CNTNAP5: variants seen among roughly 807,000 people sequenced by gnomAD.
CNTNAP5 encodes the protein contactin associated protein family member 5.
CNTNAP5 carries 72 observed loss-of-function variants against 150.2 expected under a neutral mutation model. That is an observed-to-expected ratio of 0.48 (90% CI 0.40 to 0.58). The LOEUF is 0.58. Among genes scored for constraint, CNTNAP5 ranks in the 20% least tolerant of loss-of-function variants. The pLI, the probability that CNTNAP5 is intolerant of heterozygous loss-of-function variation, is 0.00. For missense variants in CNTNAP5, 1,636 were observed against 1,626.2 expected (o/e 1.01, Z -0.10); for synonymous variants, 672 against 619.8 (o/e 1.08, Z -1.25).
At chr2:124,527,520 A>G (rs2104890587) in intron 10 of CNTNAP5, 64 bp downstream of exon 10, 1 of 1,319,652 alleles carries the variant, frequency 7.6e-7, no homozygotes, top group South Asian at 1.6e-5. Flanking sequence ...TCTAAATATG[A>G]GTTTCTTTAA....
chr2:124,593,329 C>T (rs1696745671), intron 11 of CNTNAP5, among the ~76,000 whole-genome samples: 1 of 123,156 alleles, frequency 8.1e-6, no homozygotes, highest in South Asian at 3.0e-4. Context: ...TATTCCCCTT[C>T]CTGTGTCCAT....
intron 1 of CNTNAP5, among the ~76,000 whole-genome samples, chr2:124,029,536 G>A (rs1224880310): frequency 6.6e-6 from 1 of 151,978 alleles, no homozygotes; most frequent in Non-Finnish European, 1.5e-5. Flanking sequence ...CCCTGGACTA[G>A]CGATTTCCAC....
At chr2:124,058,637 CGTT>C (rs1558740826) in intron 1 of CNTNAP5, among the ~76,000 whole-genome samples, 2 of 152,178 alleles carry the variant, frequency 1.3e-5, no homozygotes, top group African/African-American at 2.4e-5. Flanking sequence ...ATTTGCCTGT[CGTT>C]GTCATCAGCC....
chr2:124,082,678 T>C (rs1440479221), intron 1 of CNTNAP5, among the ~76,000 whole-genome samples: 1 of 152,230 alleles, frequency 6.6e-6, no homozygotes, highest in Non-Finnish European at 1.5e-5. Context: ...AGAAGTACAA[T>C]TGTTGGGCCA....
intron 13 of CNTNAP5, among the ~76,000 whole-genome samples, chr2:124,673,781 A>G (rs1270577033): frequency 6.6e-6 from 1 of 151,296 alleles, no homozygotes; most frequent in Non-Finnish European, 1.5e-5. Context: ...AAAAAAAGAG[A>G]TCCTCTAGAC....
At chr2:124,601,528 T>C (rs967179746) in intron 11 of CNTNAP5, among the ~76,000 whole-genome samples, 3 of 152,032 alleles carry the variant, frequency 2.0e-5, no homozygotes, top group African/African-American at 7.2e-5. Flanking sequence ...CACACAACAA[T>C]TAAAGCAATT....
intron 1 of CNTNAP5, among the ~76,000 whole-genome samples, chr2:124,087,549 C>T (rs1296724947): frequency 6.6e-6 from 1 of 151,704 alleles, no homozygotes; most frequent in Admixed American, 6.6e-5. Context: ...TGGTGAAACC[C>T]CATTTCTACT....
intron 1 of CNTNAP5, among the ~76,000 whole-genome samples, chr2:124,051,855 C>T (rs1256915849): frequency 6.6e-6 from 1 of 152,182 alleles, no homozygotes; most frequent in South Asian, 2.1e-4. Context: ...TACAGCATTC[C>T]TTTTGCCACA....
rs1296869486 is a variant in CNTNAP5 at position 124,413,203 on chromosome 2, A to G, written c.382-4240A>G. ...GAGATACCATCTCACACCAGTTAGA[A>G]TGGCGTTCATTAAAAAGTCAGGAAA... On this transcript the variant is annotated intron_variant, in intron 3 of 23. Coordinates refer to ENST00000682447, the MANE Select transcript of CNTNAP5 (RefSeq NM_001367498.1). Among the ~76,000 whole-genome samples the G allele has an allele frequency of 1.8e-4, 25 of 142,352 alleles. 2 individuals are homozygous for G. The highest frequency in any genetic ancestry group is 6.2e-4 in the African/African-American group (24 of 38,844). 93.4% of individuals were successfully genotyped at this position (142,352 alleles called of 152,430 possible). A position where few individuals can be genotyped will look rare whatever the true frequency, so the allele number is the denominator to read the frequency against.
At chr2:124,195,444 A>G (rs1258849436) in intron 1 of CNTNAP5, among the ~76,000 whole-genome samples, 1 of 152,178 alleles carries the variant, frequency 6.6e-6, no homozygotes, top group African/African-American at 2.4e-5. Context: ...GCAATACTCA[A>G]CACTGTCCCA....
intron 13 of CNTNAP5, among the ~76,000 whole-genome samples, chr2:124,670,187 T>TCCTCCC (rs1346841690): frequency 7.9e-6 from 1 of 127,208 alleles, no homozygotes; most frequent in Non-Finnish European, 1.7e-5. Context: ...CTCCCTCTCT[T>TCCTCCC]TCTCTTTCTC....
At chr2:124,667,320 C>T (rs1161526006) in intron 13 of CNTNAP5, among the ~76,000 whole-genome samples, 1 of 152,194 alleles carries the variant, frequency 6.6e-6, no homozygotes, top group Admixed American at 6.5e-5. Context: ...GTGTGTACTC[C>T]AGGTGCCACA....
intron 1 of CNTNAP5, among the ~76,000 whole-genome samples, chr2:124,190,973 C>A (rs946564579): frequency 1.3e-5 from 2 of 152,144 alleles, no homozygotes; most frequent in Admixed American, 1.3e-4. Context: ...GTTTATCTTG[C>A]AAAAGTAGAT....
intron 6 of CNTNAP5, among the ~76,000 whole-genome samples, chr2:124,466,698 G>A (rs902936037): frequency 7.2e-5 from 11 of 152,180 alleles, no homozygotes; most frequent in Admixed American, 2.6e-4. Context: ...TGTTCGGAAA[G>A]TCTGTGACAA....
intron 19 of CNTNAP5, among the ~76,000 whole-genome samples, chr2:124,824,448 A>G (rs1050320636): frequency 6.6e-6 from 1 of 152,166 alleles, no homozygotes; most frequent in Non-Finnish European, 1.5e-5. Flanking sequence ...ACAGTTCACT[A>G]TGATGTTTAA....
intron 3 of CNTNAP5, among the ~76,000 whole-genome samples, chr2:124,347,436 C>T (rs1345638175): frequency 4.6e-5 from 7 of 152,142 alleles, no homozygotes. Context: ...ACCAGGAAAC[C>T]TCTTTCCCCT....
At chr2:124,440,237 G>A (rs1365460780) in intron 5 of CNTNAP5, among the ~76,000 whole-genome samples, 3 of 152,136 alleles carry the variant, frequency 2.0e-5, no homozygotes, top group African/African-American at 7.2e-5. Flanking sequence ...CAAATTAAAG[G>A]TGGGTGGGAA....
intron 10 of CNTNAP5, among the ~76,000 whole-genome samples, chr2:124,538,039 A>G (rs950626324): frequency 9.9e-5 from 15 of 152,214 alleles, no homozygotes; most frequent in African/African-American, 3.6e-4. Context: ...CAGGTGAATT[A>G]TCACAAGCAC....
At chr2:124,124,467 G>C (rs1422528507) in intron 1 of CNTNAP5, among the ~76,000 whole-genome samples, 1 of 152,162 alleles carries the variant, frequency 6.6e-6, no homozygotes, top group South Asian at 2.1e-4. Flanking sequence ...GGGGAGAATG[G>C]AACCAAGTTG....
Sources: gnomAD v4.1 joint callset for allele counts (sites outside exome capture counted in the v4.1 genomes callset) on GRCh38, gnomAD v4.1.1 for gene constraint, MANE v1.5 for transcripts, NCBI Gene and HGNC (gene_info 2026-07-23, HGNC 2026-07-21) for gene names.